Variants in GRIK3 observed in about 807,000 individuals in gnomAD.
GRIK3 encodes the protein glutamate ionotropic receptor kainate type subunit 3.
In GRIK3, 29 loss-of-function variants were observed where a neutral mutation model predicts 102.5. The ratio of observed to expected loss-of-function variants is 0.28; its 90% confidence interval spans 0.21 to 0.39. The LOEUF (loss-of-function observed/expected upper bound fraction) is 0.39, where lower values mean the gene tolerates loss of function less well. GRIK3 is among the 10% of genes least tolerant of loss of function. The pLI is 1.00. For missense variants in GRIK3, 908 were observed against 1,252.4 expected, an observed-to-expected ratio of 0.73 and a Z score of 4.15; for synonymous variants, 511 against 504.9, an observed-to-expected ratio of 1.01 and a Z score of -0.16.
intron 1 of GRIK3, among the ~76,000 whole-genome samples, chr1:36,969,926 G>A (rs988124701): frequency 6.6e-6 from 1 of 152,178 alleles, no homozygotes; most frequent in Non-Finnish European, 1.5e-5. Flanking sequence ...TATGAAAAAT[G>A]GCAATATGAA....
At chr1:36,811,823 C>T (rs1405488322) in intron 13 of GRIK3, among the ~76,000 whole-genome samples, 1 of 152,160 alleles carries the variant, frequency 6.6e-6, no homozygotes, top group Non-Finnish European at 1.5e-5. Context: ...AGGAGCTCAC[C>T]GAACCCTCTT....
intron 9 of GRIK3, among the ~76,000 whole-genome samples, chr1:36,842,640 G>A (rs941240899): frequency 6.6e-6 from 1 of 152,328 alleles, no homozygotes; most frequent in South Asian, 2.1e-4. Flanking sequence ...TGGCTGTGCC[G>A]GGCACTGGTC....
At chr1:36,941,706 A>G (rs1189010987) in intron 1 of GRIK3, among the ~76,000 whole-genome samples, 1 of 152,182 alleles carries the variant, frequency 6.6e-6, no homozygotes, top group African/African-American at 2.4e-5. Context: ...TCTAGGCATT[A>G]TCTCCTTTTG....
Position 36,841,099 on chromosome 1 carries a change from G to T in GRIK3, c.1530+637C>A, listed in dbSNP as rs1367744959. Among the ~76,000 whole-genome samples, 3 of 152,266 alleles carry T rather than the reference G, an allele frequency of 2.0e-5. No individual in the cohort carries two copies. In the East Asian group the frequency reaches 5.8e-4, roughly 29 times the overall value. ...CTTGTGGTGGTGTCTCCAGCCTGTG[G>T]CTTCTCCCTCTTCCTCCCAATGTCT... On this transcript the variant is annotated intron_variant, in intron 10 of 15. Transcript: ENST00000373091.
At position 36,914,583 on chromosome 1, in the gene GRIK3, G is replaced by C. The variant is rs1641379218; in HGVS notation, c.116-23487C>G. Among the ~76,000 whole-genome samples, 2 of 152,198 alleles carry C rather than the reference G, an allele frequency of 1.3e-5. 1 individual carries two copies. The highest frequency in any genetic ancestry group is 4.1e-4 in the South Asian group (2 of 4,828). On this transcript the variant is annotated intron_variant, in intron 1 of 15. Transcript: ENST00000373091. ...AAAAGTTATTTATCCTGCCTCTGAGGTGTGAGCTATTTGAGGTCCAGGGCT... is the reference window on the plus strand; with the variant it reads ...AAAAGTTATTTATCCTGCCTCTGAGCTGTGAGCTATTTGAGGTCCAGGGCT...
chr1:36,847,965 G>T (rs1020473982), intron 9 of GRIK3, among the ~76,000 whole-genome samples: 2 of 152,194 alleles, frequency 1.3e-5, no homozygotes, highest in Admixed American at 6.5e-5. Context: ...CTAGCCCTGG[G>T]CTACCTAGGA....
chr1:36,891,133 G>A (rs762698060), intron 1 of GRIK3, 37 bp from the exon 2 acceptor site: 2 of 1,524,480 alleles, frequency 1.3e-6, no homozygotes, highest in South Asian at 1.2e-5. Context: ...TGGTTGGGAG[G>A]AGGGATGGGG....
chr1:36,979,994 A>T (rs1463356955), intron 1 of GRIK3, among the ~76,000 whole-genome samples: 1 of 152,162 alleles, frequency 6.6e-6, no homozygotes, highest in Non-Finnish European at 1.5e-5. Flanking sequence ...TTGAGTGGCA[A>T]CTCAGCAAAC....
chr1:36,981,994 G>T (rs1316234009), intron 1 of GRIK3, among the ~76,000 whole-genome samples: 1 of 152,148 alleles, frequency 6.6e-6, no homozygotes, highest in African/African-American at 2.4e-5. Context: ...GGAGTGTGGA[G>T]GAGGTGCTGC....
intron 1 of GRIK3, among the ~76,000 whole-genome samples, chr1:36,988,871 T>C (rs1016496396): frequency 6.6e-6 from 1 of 152,162 alleles, no homozygotes; most frequent in East Asian, 1.9e-4. Flanking sequence ...CCTTTTCAGT[T>C]AAGCTGAATG....
chr1:37,013,660 T>C (rs1642621916), intron 1 of GRIK3, among the ~76,000 whole-genome samples: 1 of 152,218 alleles, frequency 6.6e-6, no homozygotes, highest in Non-Finnish European at 1.5e-5. Context: ...CATTGCTGTA[T>C]CAAGCACATG....
intron 1 of GRIK3, among the ~76,000 whole-genome samples, chr1:36,949,731 T>G (rs1260641504): frequency 1.3e-5 from 2 of 151,960 alleles, no homozygotes; most frequent in Non-Finnish European, 2.9e-5. Flanking sequence ...TGTGCCACCA[T>G]GTCCGGCTAA....
chr1:36,937,705 T>G (rs1013846614), intron 1 of GRIK3, among the ~76,000 whole-genome samples: 39 of 151,948 alleles, frequency 2.6e-4, no homozygotes, highest in African/African-American at 7.7e-4. Context: ...AAAAAGAAAA[T>G]AAACGAACTC....
At position 36,858,983 on chromosome 1, in the gene GRIK3, T is replaced by G. The variant is rs1030803590; in HGVS notation, c.1104+125A>C. On this transcript the variant is annotated intron_variant, in intron 7 of 15. Coordinates refer to ENST00000373091, the MANE Select transcript of GRIK3 (RefSeq NM_000831.4). The stretch of plus-strand genomic sequence containing the variant: ...CACGGGAAACTGAGGCTCGGAGACA[T>G]GAGGCAACTTGCCTGAGGTCACATG... 4 of 833,446 alleles carry G rather than the reference T, an allele frequency of 4.8e-6. No individual in the cohort carries two copies. In the Admixed American group the frequency reaches 1.0e-4, roughly 21 times the overall value. 51.6% of individuals were successfully genotyped at this position (833,446 alleles called of 1,614,324 possible). A position where few individuals can be genotyped will look rare whatever the true frequency, so the allele number is the denominator to read the frequency against.
At chr1:36,966,995 T>C (rs1642086196) in intron 1 of GRIK3, among the ~76,000 whole-genome samples, 1 of 152,184 alleles carries the variant, frequency 6.6e-6, no homozygotes, top group Non-Finnish European at 1.5e-5. Flanking sequence ...AGAAGGACAA[T>C]TAAGTTAATG....
At chr1:37,012,244 TA>T (rs1311027632) in intron 1 of GRIK3, among the ~76,000 whole-genome samples, 1 of 152,248 alleles carries the variant, frequency 6.6e-6, no homozygotes, top group Admixed American at 6.5e-5. Context: ...AGCGATTTTG[TA>T]AAAAATAACC....
At chr1:36,986,000 C>G (rs1219480427) in intron 1 of GRIK3, among the ~76,000 whole-genome samples, 1 of 151,858 alleles carries the variant, frequency 6.6e-6, no homozygotes, top group Admixed American at 6.6e-5. Context: ...CATGCCCGCT[C>G]CAGGAGAAGG....
At chr1:36,995,584 T>G (rs1479284910) in intron 1 of GRIK3, among the ~76,000 whole-genome samples, 1 of 152,180 alleles carries the variant, frequency 6.6e-6, no homozygotes, top group Non-Finnish European at 1.5e-5. Context: ...TCATCAACCA[T>G]CACTCCTTTT....
chr1:36,979,667 A>C (rs1347455124), intron 1 of GRIK3, among the ~76,000 whole-genome samples: 2 of 152,234 alleles, frequency 1.3e-5, no homozygotes, highest in Admixed American at 6.5e-5. Context: ...TCTCTTGGGA[A>C]TCTCAACTAA....
Sources: gnomAD v4.1 joint callset for allele counts (sites outside exome capture counted in the v4.1 genomes callset) on GRCh38, gnomAD v4.1.1 for gene constraint, MANE v1.5 for transcripts, NCBI Gene and HGNC (gene_info 2026-07-23, HGNC 2026-07-21) for gene names.